Variants in RANBP9 observed in about 807,000 individuals in gnomAD.
RANBP9 encodes ran-binding protein 9.
RANBP9 carries 15 observed loss-of-function variants against 84.3 expected under a neutral mutation model. The ratio of observed to expected loss-of-function variants is 0.18; its 90% CI spans 0.12 to 0.27. The LOEUF is 0.27. RANBP9 is among the 10% of genes least tolerant of loss of function. The pLI, the probability that RANBP9 is intolerant of heterozygous loss-of-function variation, is 1.00. For missense variants in RANBP9, 809 were observed against 912.8 expected (o/e 0.89, Z 1.46); for synonymous variants, 392 against 349.6 (o/e 1.12, Z -1.35).
chr6:13,641,456 G>A, intron 7 of RANBP9, 149 bp from the exon 8 acceptor site: 1 of 558,702 alleles, frequency 1.8e-6, no homozygotes, highest in Non-Finnish European at 3.1e-6. Flanking sequence ...GTTTCCATTA[G>A]GCAATCCAGG....
intron 5 of RANBP9, among the ~76,000 whole-genome samples, chr6:13,652,118 G>A (rs1397789711): frequency 1.3e-5 from 2 of 152,294 alleles, no homozygotes; most frequent in Non-Finnish European, 1.5e-5. Context: ...CCTACCGTTG[G>A]TATTCCCATT....
intron 5 of RANBP9, among the ~76,000 whole-genome samples, chr6:13,652,042 C>G (rs1417659485): frequency 6.6e-6 from 1 of 152,204 alleles, no homozygotes; most frequent in Non-Finnish European, 1.5e-5. Context: ...GACTCCCTCA[C>G]TCCTCCAAAA....
intron 2 of RANBP9, among the ~76,000 whole-genome samples, chr6:13,693,477 T>C (rs1037906047): frequency 1.3e-5 from 2 of 152,198 alleles, no homozygotes; most frequent in Admixed American, 6.5e-5. Context: ...CCAGGCACAG[T>C]GGCTCACACC....
intron 5 of RANBP9, among the ~76,000 whole-genome samples, chr6:13,645,722 C>T (rs1399045205): frequency 6.6e-6 from 1 of 152,182 alleles, no homozygotes; most frequent in Non-Finnish European, 1.5e-5. Flanking sequence ...CCTCTTGCAA[C>T]TCCAAATCCT....
chr6:13,625,871 A>G, intron 12 of RANBP9, 107 bp from the exon 13 acceptor site: 2 of 753,728 alleles, frequency 2.7e-6, no homozygotes, highest in Non-Finnish European at 4.6e-6. Flanking sequence ...ACAGACTAAT[A>G]ATGTAAACTT....
intron 2 of RANBP9, among the ~76,000 whole-genome samples, chr6:13,681,148 G>A (rs1196290390): frequency 6.6e-6 from 1 of 152,172 alleles, no homozygotes; most frequent in Admixed American, 6.5e-5. Flanking sequence ...CATGCATCAT[G>A]CTAAGTGATT....
At position 13,634,911 on chromosome 6, in the gene RANBP9, G is replaced by A. The variant is rs187878597; in HGVS notation, c.1674-359C>T. Among the ~76,000 whole-genome samples the A allele has an allele frequency of 1.2e-4, 18 of 152,080 alleles. No individual in the cohort carries two copies. In the East Asian group the frequency reaches 2.5e-3, roughly 21 times the overall value. ...TGCTGCCCCACCAACTCCCCAGCCA[G>A]CCCTCTCCCCCTACCCCCAGCACTG... On this transcript the variant is annotated intron_variant, in intron 10 of 13. Coordinates refer to ENST00000011619, the MANE Select transcript of RANBP9 (RefSeq NM_005493.3).
chr6:13,682,050 T>C (rs907122805), intron 2 of RANBP9, among the ~76,000 whole-genome samples: 12 of 151,846 alleles, frequency 7.9e-5, no homozygotes, highest in African/African-American at 2.9e-4. Flanking sequence ...TTAGTAGAGA[T>C]GGGGTTTCGC....
At chr6:13,639,851 A>C in intron 8 of RANBP9, 98 bp from the exon 9 acceptor site, 1 of 1,029,564 alleles carries the variant, frequency 9.7e-7, no homozygotes, top group Non-Finnish European at 1.4e-6. Context: ...ACTTTGATTT[A>C]TCAGTAGGAT....
chr6:13,658,346 C>T (rs1355957108), intron 3 of RANBP9, among the ~76,000 whole-genome samples: 1 of 152,166 alleles, frequency 6.6e-6, no homozygotes, highest in African/African-American at 2.4e-5. Flanking sequence ...TGGTGGCTCA[C>T]GCCTGTAATC....
At chr6:13,696,750 C>T (rs200139459) in intron 2 of RANBP9, 35 bp downstream of exon 2, 3 of 1,534,908 alleles carry the variant, frequency 2.0e-6, no homozygotes, top group East Asian at 2.3e-5. Context: ...AACAAAAAAA[C>T]TAGCAAACGA....
At chr6:13,644,137 T>C (rs1765127504) in intron 6 of RANBP9, among the ~76,000 whole-genome samples, 1 of 152,206 alleles carries the variant, frequency 6.6e-6, no homozygotes, top group South Asian at 2.1e-4. Context: ...GCCAAGTTCA[T>C]GACCAAAAAC....
At chr6:13,666,824 T>C (rs1219690274) in intron 2 of RANBP9, among the ~76,000 whole-genome samples, 1 of 152,026 alleles carries the variant, frequency 6.6e-6, no homozygotes, top group African/African-American at 2.4e-5. Context: ...TATTTTACCT[T>C]GAAAAACACC....
rs1764450729 is a variant in RANBP9, at chr6:13,621,684, A to C, written c.*678T>G. ...CACACCGTTGACATGTAATACTGTT[A>C]TAATACAACAGTTAAACTTGTGAGT... is the stretch of plus-strand genomic sequence containing the variant. On this transcript the variant is annotated 3_prime_UTR_variant, in exon 14 of 14. Coordinates refer to ENST00000011619, the MANE Select transcript of RANBP9 (RefSeq NM_005493.3). The C allele has an allele frequency of 6.6e-6, 1 of 152,658 alleles. No individual in the cohort carries two copies. The highest frequency in any genetic ancestry group is 1.5e-5 in the Non-Finnish European group (1 of 68,036). The allele number at this position is 152,658 out of a possible 1,614,324, so 9.5% of individuals were successfully genotyped here.
chr6:13,643,613 T>G (rs1386857582), intron 6 of RANBP9, among the ~76,000 whole-genome samples: 6 of 152,122 alleles, frequency 3.9e-5, no homozygotes, highest in Non-Finnish European at 8.8e-5. Flanking sequence ...AGTGAAGAAG[T>G]GGGTGGAAGG....
chr6:13,706,772 C>T (rs1474390834), intron 1 of RANBP9, among the ~76,000 whole-genome samples: 2 of 151,676 alleles, frequency 1.3e-5, no homozygotes, highest in Non-Finnish European at 2.9e-5. Context: ...GAGGCCGAGG[C>T]GGGCAGATCA....
At position 13,711,672 on chromosome 6, in the gene RANBP9, G is replaced by C. The variant is rs1758293543; in HGVS notation, c.-167C>G. On this transcript the variant is annotated 5_prime_UTR_variant, in exon 1 of 14. Transcript: ENST00000011619. ...GGAGACCGCGGCGGTTGAGGAGCTCGGAGACGCGGGAGTAGGCGGCGGGCC... is the reference window on the plus strand; with the variant it reads ...GGAGACCGCGGCGGTTGAGGAGCTCCGAGACGCGGGAGTAGGCGGCGGGCC... 3 of 454,746 alleles carry C rather than the reference G, an allele frequency of 6.6e-6. No homozygotes were observed. The highest frequency in any genetic ancestry group is 3.3e-6 in the Non-Finnish European group (1 of 300,744). 28.2% of individuals were successfully genotyped at this position (454,746 alleles called of 1,614,324 possible).
intron 11 of RANBP9, among the ~76,000 whole-genome samples, chr6:13,633,652 A>T (rs1000006877): frequency 1.3e-5 from 2 of 152,234 alleles, no homozygotes; most frequent in Non-Finnish European, 2.9e-5. Context: ...CACTGTACTT[A>T]AATTACTCTT....
At chr6:13,658,716 T>C in intron 3 of RANBP9, 64 bp downstream of exon 3, 6 of 1,303,178 alleles carry the variant, frequency 4.6e-6, no homozygotes, top group Non-Finnish European at 6.6e-6. Flanking sequence ...ATTTCTTACT[T>C]GAAAAATTTA....
Sources: allele counts gnomAD v4.1 joint callset (sites outside exome capture counted in the v4.1 genomes callset), GRCh38; gene constraint gnomAD v4.1.1; transcripts MANE v1.5; gene names NCBI Gene and HGNC (gene_info 2026-07-23, HGNC 2026-07-21).